TMEM116: variants seen among roughly 807,000 people sequenced by gnomAD.
TMEM116 encodes the protein transmembrane protein 116.
TMEM116 carries 38 observed loss-of-function variants against 44.3 expected under a neutral mutation model. The observed-to-expected ratio is 0.86, with a 90% confidence interval of 0.66 to 1.12. TMEM116 has a LOEUF of 1.12. TMEM116 is among the 50% of genes most tolerant of loss of function. The probability of loss-of-function intolerance (pLI) is 0.00; values close to 1 mark genes in which losing one functional copy is unlikely to be tolerated. For missense variants in TMEM116, 354 were observed against 401.7 expected (o/e 0.88, Z 1.01); for synonymous variants, 132 against 144.8 (o/e 0.91, Z 0.64).
intron 4 of TMEM116, among the ~76,000 whole-genome samples, chr12:111,983,441 A>T (rs1268761596): frequency 7.1e-6 from 1 of 141,252 alleles, no homozygotes; most frequent in Non-Finnish European, 1.6e-5. Context: ...GACTCTATCT[A>T]AAAAAAAAAC....
At chr12:111,958,277 TAAAAAAAAAAAAAAAA>T (rs61637468) in intron 4 of TMEM116, among the ~76,000 whole-genome samples, 4 of 27,520 alleles carry the variant, frequency 1.5e-4, no homozygotes, top group Admixed American at 2.8e-4. Flanking sequence ...CAATAAATAC[TAAAAAAAAAAAAAAAA>T]AAAAAAAAAA....
intron 4 of TMEM116, among the ~76,000 whole-genome samples, chr12:111,959,020 A>T (rs2074376791): frequency 6.6e-6 from 1 of 152,192 alleles, no homozygotes; most frequent in Non-Finnish European, 1.5e-5. Context: ...ACTCCTCGAG[A>T]AGAGCAACCC....
At chr12:111,994,196 C>G (rs2076792589) in intron 3 of TMEM116, among the ~76,000 whole-genome samples, 1 of 151,808 alleles carries the variant, frequency 6.6e-6, no homozygotes, top group African/African-American at 2.4e-5. Flanking sequence ...TCACTTAAGT[C>G]AAGAGTTTCA....
chr12:112,013,187 C>T (rs934684021), upstream of TMEM116: 1 of 420,786 alleles, frequency 2.4e-6, no homozygotes, highest in South Asian at 4.4e-5. Context: ...CCGGAAGACT[C>T]GGCGAGTGCG....
intron 4 of TMEM116, among the ~76,000 whole-genome samples, chr12:111,969,447 C>T (rs957860678): frequency 2.7e-5 from 4 of 150,912 alleles, no homozygotes; most frequent in East Asian, 1.9e-4. Context: ...CAGGCTGGAG[C>T]GCAGTGGAGC....
chr12:111,996,979 A>C (rs1469908845), intron 3 of TMEM116, among the ~76,000 whole-genome samples: 1 of 152,242 alleles, frequency 6.6e-6, no homozygotes, highest in African/African-American at 2.4e-5. Context: ...TTCAAAAACA[A>C]GCAAAACCAA....
At chr12:111,995,347 AAG>A (rs1433706210) in intron 3 of TMEM116, among the ~76,000 whole-genome samples, 1 of 152,192 alleles carries the variant, frequency 6.6e-6, no homozygotes, top group Non-Finnish European at 1.5e-5. Context: ...ATCAGTGGAA[AAG>A]AGACAGTCTT....
rs200920952 is a variant in TMEM116, at chr12:111,936,733, T to C, written c.547A>G (p.Ile183Val). The C allele has an allele frequency of 3.1e-6, 5 of 1,613,878 alleles. No individual in the cohort carries two copies. The highest frequency in any genetic ancestry group is 2.2e-5 in the East Asian group (1 of 44,864). ...CSTLYFYGIA[I>V]FLGSFVLSLL... is the part of the protein sequence containing the mutation. The stretch of plus-strand genomic sequence containing the variant: ...CTGAGTACAAAGCTGCCCAGGAAAA[T>C]GGCGATACCATAAAAATAAAGTGTG... Residue 183 changes from isoleucine to valine, a missense_variant, in exon 8 of 11, where the codon ATT becomes GTT. Physicochemically the swap from Ile to Val is conservative, Grantham distance 29. Coordinates refer to ENST00000552374, the MANE Select transcript of TMEM116 (RefSeq NM_001193531.2).
At position 111,936,802 on chromosome 12, in the gene TMEM116, C is replaced by A. The variant is rs760636456; in HGVS notation, c.478G>T (p.Ala160Ser). Residue 160 changes from alanine (A) to serine (S), a missense_variant, in exon 8 of 11, where the codon GCC (alanine) becomes TCC (serine). Transcript: ENST00000552374. ...KCILMHSPPS[A>S]MAELPPSANT... ...GCAGAAGGTGGAAGTTCAGCCATGG[C>A]TGATGGTGGTGAGTGCATCAAGATA... 2 of 1,610,508 alleles carry A rather than the reference C, an allele frequency of 1.2e-6. No individual in the cohort carries two copies. The highest frequency in any genetic ancestry group is 2.2e-5 in the East Asian group (1 of 44,894).
At chr12:111,993,564 G>C (rs1193646157) in intron 3 of TMEM116, 2 of 544,970 alleles carry the variant, frequency 3.7e-6, no homozygotes, top group African/African-American at 3.8e-5. Context: ...AACCAGGTTA[G>C]ACCAAGACTT....
At chr12:111,974,991 G>C (rs1233217805) in intron 4 of TMEM116, among the ~76,000 whole-genome samples, 1 of 152,166 alleles carries the variant, frequency 6.6e-6, no homozygotes, top group African/African-American at 2.4e-5. Context: ...ATTGCAGAGA[G>C]ATACTGAAGA....
intron 3 of TMEM116, among the ~76,000 whole-genome samples, chr12:111,996,351 A>C (rs1270533396): frequency 1.3e-5 from 2 of 152,200 alleles, no homozygotes; most frequent in African/African-American, 4.8e-5. Context: ...AAAATTACTA[A>C]GTAGTAAGAA....
chr12:112,007,846 C>A (rs1176972770), intron 1 of TMEM116, among the ~76,000 whole-genome samples: 1 of 152,152 alleles, frequency 6.6e-6, no homozygotes, highest in Non-Finnish European at 1.5e-5. Context: ...TACCATCTAC[C>A]AACATTTGGG....
chr12:111,991,866 GCTCAGATAAAAAAGTGGTCTTAT>G lies in TMEM116; in HGVS notation c.79_101del (p.Ile27LeufsTer3), dbSNP rs2076624778. Reference sequence around the variant, plus strand: ...AAAGTCCCAGGAGCAGGTCACAGAAGCTCAGATAAAAAAGTGGTCTTATCTGTCAAAGTAATAAAATCCTCATT... The same window carrying G: ...AAAGTCCCAGGAGCAGGTCACAGAAGCTGTCAAAGTAATAAAATCCTCATT... On this transcript the variant is annotated frameshift_variant and splice_region_variant, in exon 4 of 11. Coordinates refer to ENST00000552374, the MANE Select transcript of TMEM116 (RefSeq NM_001193531.2). LOFTEE classifies it high-confidence loss of function. The G allele has an allele frequency of 6.5e-6, 10 of 1,535,722 alleles. No individual in the cohort carries two copies. The highest frequency in any genetic ancestry group is 8.7e-6 in the Non-Finnish European group (10 of 1,146,478).
At chr12:111,936,963 C>T (rs1206913025) in intron 7 of TMEM116, 133 bp from the exon 8 acceptor site, 2 of 1,055,692 alleles carry the variant, frequency 1.9e-6, no homozygotes, top group Admixed American at 2.6e-5. Context: ...CTCTCCCCCA[C>T]AGACACATTA....
At chr12:111,991,681 G>A in intron 4 of TMEM116, 77 bp downstream of exon 4, 3 of 1,421,256 alleles carry the variant, frequency 2.1e-6, no homozygotes, top group Non-Finnish European at 1.9e-6. Flanking sequence ...CACTTCCCAA[G>A]GTGAATCATC....
chr12:111,959,295 T>A (rs1215232997), intron 4 of TMEM116, among the ~76,000 whole-genome samples: 1 of 152,170 alleles, frequency 6.6e-6, no homozygotes, highest in Non-Finnish European at 1.5e-5. Flanking sequence ...GACAAGCAAA[T>A]TCTGAGAGAT....
At chr12:111,954,520 ACT>A (rs1267027532) in intron 4 of TMEM116, among the ~76,000 whole-genome samples, 1 of 152,180 alleles carries the variant, frequency 6.6e-6, no homozygotes, top group African/African-American at 2.4e-5. Context: ...CTTCACAACA[ACT>A]CTTAAGAACC....
intron 4 of TMEM116, among the ~76,000 whole-genome samples, chr12:111,944,697 A>G (rs969664618): frequency 2.5e-4 from 38 of 152,192 alleles, no homozygotes; most frequent in African/African-American, 4.8e-5. Flanking sequence ...AGTATTAATC[A>G]ATGTATATGG....
Sources: allele counts gnomAD v4.1 joint callset (sites outside exome capture counted in the v4.1 genomes callset), GRCh38; gene constraint gnomAD v4.1.1; transcripts MANE v1.5; gene names NCBI Gene and HGNC (gene_info 2026-07-23, HGNC 2026-07-21).